Variants in EZR observed in about 807,000 individuals in gnomAD.
EZR encodes ezrin.
Under a neutral mutation model 74.8 loss-of-function variants are expected in EZR, and 40 were observed. The observed-to-expected ratio is 0.53, with a 90% CI of 0.42 to 0.70. The LOEUF is 0.70. EZR is among the 30% of genes least tolerant of loss of function. The pLI, the probability that EZR is intolerant of heterozygous loss-of-function variation, is 0.00. For missense variants in EZR, 678 were observed against 755.8 expected, an observed-to-expected ratio of 0.90 and a Z score of 1.21; for synonymous variants, 341 against 283.3, an observed-to-expected ratio of 1.20 and a Z score of -2.05.
intron 2 of EZR, among the ~76,000 whole-genome samples, chr6:158,803,888 G>GA (rs1419899795): frequency 6.6e-6 from 1 of 151,526 alleles, no homozygotes; most frequent in Admixed American, 6.6e-5. Flanking sequence ...CATGACCTTA[G>GA]AACTAGAAGG....
intron 2 of EZR, among the ~76,000 whole-genome samples, chr6:158,805,338 A>G (rs1279003166): frequency 2.2e-3 from 21 of 9,532 alleles, no homozygotes; most frequent in African/African-American, 0.011. Flanking sequence ...CCATCTCAGG[A>G]AAAAAAAAAA....
intron 2 of EZR, among the ~76,000 whole-genome samples, chr6:158,801,375 C>T (rs1777183164): frequency 6.6e-6 from 1 of 152,038 alleles, no homozygotes; most frequent in African/African-American, 2.4e-5. Flanking sequence ...GCATGAGAAC[C>T]CTGTCTCCAA....
At chr6:158,777,292 T>C (rs568516992) in intron 7 of EZR, among the ~76,000 whole-genome samples, 98 of 152,356 alleles carry the variant, frequency 6.4e-4, no homozygotes, top group African/African-American at 2.2e-3. Flanking sequence ...TTCTCCTGGC[T>C]GGACAGACAT....
Position 158,817,966 on chromosome 6 carries a change from T to G in EZR, c.12+116A>C. The G allele has an allele frequency of 1.7e-5, 17 of 996,844 alleles. No individual in the cohort carries two copies. In the South Asian group the frequency reaches 2.5e-4, roughly 15 times the overall value. 61.7% of individuals were successfully genotyped at this position (996,844 alleles called of 1,614,324 possible). On this transcript the variant is annotated intron_variant, in intron 2 of 13. Transcript: ENST00000367075. ...AAAACCTCCTCCTATTCCTATCGTC[T>G]TCTGCGTGTGAGAAGAACCCTGTTC...
intron 2 of EZR, among the ~76,000 whole-genome samples, chr6:158,807,531 GACC>G (rs933691127): frequency 1.3e-5 from 2 of 152,162 alleles, no homozygotes; most frequent in Non-Finnish European, 2.9e-5. Context: ...CTTGAAGAAA[GACC>G]ATCATGGTTC....
In EZR at chr6:158,789,394, T is replaced by C. The variant is rs771676797; in HGVS notation, c.13-23A>G. Reference sequence around the variant, plus strand: ...GATCTGAAAAACAGAATGAAACAAATTACGCTTAACTGAGTATTCTTTTCT... The same window carrying C: ...GATCTGAAAAACAGAATGAAACAAACTACGCTTAACTGAGTATTCTTTTCT... On this transcript the variant is annotated intron_variant, in intron 2 of 13. Coordinates refer to ENST00000367075, the MANE Select transcript of EZR (RefSeq NM_001111077.2). 6 of 1,601,132 alleles carry C rather than the reference T, an allele frequency of 3.7e-6. No individual in the cohort carries two copies. In the African/African-American group the frequency reaches 8.0e-5, roughly 21 times the overall value.
chr6:158,787,588 C>T (rs538413843), intron 3 of EZR, among the ~76,000 whole-genome samples: 4 of 152,238 alleles, frequency 2.6e-5, no homozygotes, highest in South Asian at 2.1e-4. Context: ...GTGGGTGCAT[C>T]GCTGCCGGTC....
chr6:158,814,217 T>A (rs1777504818), intron 2 of EZR, among the ~76,000 whole-genome samples: 1 of 152,174 alleles, frequency 6.6e-6, no homozygotes, highest in Non-Finnish European at 1.5e-5. Context: ...CCTAAGCAGC[T>A]GTGGGAAAAG....
intron 2 of EZR, among the ~76,000 whole-genome samples, chr6:158,799,245 C>A (rs981597232): frequency 6.6e-6 from 1 of 152,130 alleles, no homozygotes; most frequent in Non-Finnish European, 1.5e-5. Flanking sequence ...CTTGTTAAAA[C>A]AGTTTCCTGG....
intron 2 of EZR, among the ~76,000 whole-genome samples, chr6:158,804,763 C>CT (rs61087180): frequency 0.28 from 36,453 of 132,012 alleles, 5,680 homozygotes; most frequent in African/African-American, 0.48. Flanking sequence ...TTCTTTTTTT[C>CT]TTATTTTTTT....
intron 5 of EZR, 32 bp downstream of exon 5, chr6:158,785,277 C>G: frequency 6.2e-7 from 1 of 1,607,226 alleles, no homozygotes; most frequent in East Asian, 2.2e-5. Context: ...GGCATGACTG[C>G]TCCTGCCCAG....
At chr6:158,788,737 ATACT>A in intron 3 of EZR, among the ~76,000 whole-genome samples, 1 of 142,770 alleles carries the variant, frequency 7.0e-6, no homozygotes, top group East Asian at 1.9e-4. Flanking sequence ...TCACTAATAA[ATACT>A]TGATTTAAAA....
intron 7 of EZR, among the ~76,000 whole-genome samples, chr6:158,779,080 A>C (rs1436622662): frequency 6.6e-6 from 1 of 152,226 alleles, no homozygotes; most frequent in Non-Finnish European, 1.5e-5. Context: ...AACGTGGCAG[A>C]CACCACCTTA....
intron 8 of EZR, among the ~76,000 whole-genome samples, chr6:158,773,078 C>T (rs902116438): frequency 6.6e-6 from 1 of 152,120 alleles, no homozygotes; most frequent in South Asian, 2.1e-4. Flanking sequence ...CCCACCTATC[C>T]CTTATTACAC....
chr6:158,785,708 A>C (rs1791562122), intron 4 of EZR, 125 bp from the exon 5 acceptor site: 7 of 1,253,276 alleles, frequency 5.6e-6, no homozygotes, highest in Non-Finnish European at 6.6e-6. Context: ...ATTTATTCTT[A>C]AAGTCATCTT....
chr6:158,784,135 C>T (rs1418807127), intron 6 of EZR, among the ~76,000 whole-genome samples: 1 of 152,168 alleles, frequency 6.6e-6, no homozygotes, highest in Non-Finnish European at 1.5e-5. Context: ...AATGCAGACT[C>T]GCAAGACTAG....
chr6:158,765,774 T>G lies in EZR; in HGVS notation c.*1140A>C, dbSNP rs1790737154. On this transcript the variant is annotated 3_prime_UTR_variant, in exon 14 of 14. Transcript: ENST00000367075. ...GCCTTTGCAAAGCTTTTATTTCATG[T>G]CTGCGGCATGGAATCCACCTGCACA... The G allele has an allele frequency of 6.6e-6, 1 of 152,268 alleles. No individual in the cohort carries two copies. Among genetic ancestry groups the G allele is most frequent in the Non-Finnish European group, 1.5e-5 (1 of 68,048 alleles). 9.4% of individuals were successfully genotyped at this position (152,268 alleles called of 1,614,324 possible). A position where few individuals can be genotyped will look rare whatever the true frequency, so the allele number is the denominator to read the frequency against.
In EZR at chr6:158,787,101, G is replaced by C. The variant is rs1452457043; in HGVS notation, c.192+7C>G. 6 of 1,611,402 alleles carry C rather than the reference G, an allele frequency of 3.7e-6. No homozygotes were observed. Among genetic ancestry groups the C allele is most frequent in the Non-Finnish European group, 4.2e-6 (5 of 1,177,758 alleles). On this transcript the variant is annotated splice_region_variant and intron_variant, in intron 4 of 13. Transcript: ENST00000367075. ...CCACAGCCTGTAAATAGTTAATCCT[G>C]ACTTGCCTTCTTATCCAGCTTCAGC...
At position 158,783,553 on chromosome 6, in the gene EZR, G is replaced by GCAT. The variant is rs1791486632; in HGVS notation, c.662_664dup (p.Asp221dup). The GCAT allele has an allele frequency of 3.7e-6, 6 of 1,612,952 alleles. No individual in the cohort carries two copies. The highest frequency in any genetic ancestry group is 5.1e-6 in the Non-Finnish European group (6 of 1,179,712). ...TTTCTCATAAATATTCAGTCCAAGG[G>GCAT]CATCAACTCCAAGCCAAAGGTCTGT... On this transcript the variant is annotated inframe_insertion, in exon 7 of 14. Transcript: ENST00000367075.
Sources: allele counts gnomAD v4.1 joint callset (sites outside exome capture counted in the v4.1 genomes callset), GRCh38; gene constraint gnomAD v4.1.1; transcripts MANE v1.5; gene names NCBI Gene and HGNC (gene_info 2026-07-23, HGNC 2026-07-21).